The following FARP1 variants were observed in gnomAD, a reference collection of about 807,000 sequenced individuals.
FARP1 encodes the protein FERM, ARHGEF and pleckstrin domain-containing protein 1.
In FARP1, 52 loss-of-function variants were observed where a neutral mutation model predicts 128.8. That is an observed-to-expected ratio of 0.40 (90% confidence interval 0.32 to 0.51). The LOEUF is 0.51. Ranked by LOEUF, FARP1 falls within the 20% of genes least tolerant of loss-of-function variation. The pLI, the probability that FARP1 is intolerant of heterozygous loss-of-function variation, is 0.45. For synonymous variants in FARP1, 580 were observed against 551.8 expected (o/e 1.05, Z -0.72); for missense variants, 1,333 against 1,367.9 (o/e 0.97, Z 0.40).
intron 2 of FARP1, among the ~76,000 whole-genome samples, chr13:98,216,105 A>C (rs760503901): frequency 6.6e-6 from 1 of 152,082 alleles, no homozygotes; most frequent in Non-Finnish European, 1.5e-5. Context: ...TAATTTTTCT[A>C]GTTTGGTCAG....
chr13:98,402,717 A>C (rs2140095547), intron 13 of FARP1: 1 of 152,074 alleles, frequency 6.6e-6, no homozygotes, highest in Non-Finnish European at 1.5e-5. Context: ...CCTTACCCAT[A>C]CTCCTGTTTC....
intron 1 of FARP1, among the ~76,000 whole-genome samples, chr13:98,178,471 C>T (rs1878266383): frequency 1.3e-5 from 2 of 152,220 alleles, no homozygotes; most frequent in Non-Finnish European, 2.9e-5. Context: ...GTTGGTATTA[C>T]AGGCGTGAGC....
intron 2 of FARP1, among the ~76,000 whole-genome samples, chr13:98,271,395 A>G (rs1374277529): frequency 1.3e-5 from 2 of 152,094 alleles, no homozygotes; most frequent in Non-Finnish European, 2.9e-5. Flanking sequence ...GTATACATAT[A>G]TATATTTTTA....
intron 1 of FARP1, among the ~76,000 whole-genome samples, chr13:98,144,032 C>T (rs1018962690): frequency 1.3e-4 from 20 of 152,162 alleles, no homozygotes; most frequent in Non-Finnish European, 2.9e-4. Context: ...AGATTTGTGT[C>T]TCTCTTTACT....
chr13:98,440,771 A>T lies in FARP1; in HGVS notation c.2731A>T (p.Met911Leu). Residue 911 changes from methionine to leucine, a missense_variant, in exon 24 of 27, where the codon ATG becomes TTG. By Grantham distance (15) the Met-to-Leu change is conservative. Coordinates refer to ENST00000319562, the MANE Select transcript of FARP1 (RefSeq NM_005766.4). ...CCAGGCCCCGCACCGCGGCAACACA[A>T]TGGTGCACGTGTGCTGGCACCGCAA... ...ERQAPHRGNT[M>L]VHVCWHRNTS... The T allele has an allele frequency of 6.2e-7, 1 of 1,613,238 alleles. No homozygotes were observed. Among genetic ancestry groups the T allele is most frequent in the Non-Finnish European group, 8.5e-7 (1 of 1,179,898 alleles).
At position 98,213,364 on chromosome 13, in the gene FARP1, CCAT is replaced by C. The variant is rs1566748988; in HGVS notation, c.125_127del (p.Ile42del). 1 of 1,614,102 alleles carries C rather than the reference CCAT, an allele frequency of 6.2e-7. No homozygotes were observed. The highest frequency in any genetic ancestry group is 1.3e-5 in the African/African-American group (1 of 75,034). ...CCAACACCTTCAGGAAAACTCGTGT[CCAT>C]CAAAATCCAGATGCTGGATGACACC... On this transcript the variant is annotated inframe_deletion, in exon 2 of 27. Transcript: ENST00000319562.
chr13:98,282,940 C>A (rs1166413343), intron 2 of FARP1, among the ~76,000 whole-genome samples: 3 of 152,136 alleles, frequency 2.0e-5, no homozygotes, highest in Non-Finnish European at 2.9e-5. Flanking sequence ...CTGGAAAATT[C>A]TCTCCTGTCA....
intron 2 of FARP1, among the ~76,000 whole-genome samples, chr13:98,302,321 C>A (rs1205599295): frequency 3.9e-5 from 6 of 152,210 alleles, no homozygotes; most frequent in Non-Finnish European, 8.8e-5. Context: ...TCAAAAAATT[C>A]TTTTCTAGCT....
chr13:98,416,991 G>A (rs956279043), intron 16 of FARP1, among the ~76,000 whole-genome samples: 57 of 152,328 alleles, frequency 3.7e-4, no homozygotes, highest in African/African-American at 1.3e-3. Flanking sequence ...GACTGGCTGG[G>A]AGGACCAGAC....
chr13:98,176,207 G>A lies in FARP1; in HGVS notation c.-24+32715G>A, dbSNP rs1168060902. On this transcript the variant is annotated intron_variant, in intron 1 of 26. Transcript: ENST00000319562. This position sits in a 1 kb window ranked among gnomAD's most constrained non-coding sequence, Gnocchi z 6.2. ...AGAACAAAAAAATTTATTTAAATGT[G>A]AGAATTATGGGAAACCTAAGCCATG... is the stretch of plus-strand genomic sequence containing the variant. 1 of 1,609,202 alleles carries A rather than the reference G, an allele frequency of 6.2e-7. No homozygotes were observed.
intron 2 of FARP1, among the ~76,000 whole-genome samples, chr13:98,273,649 G>A (rs1325516976): frequency 1.3e-5 from 2 of 152,192 alleles, no homozygotes; most frequent in East Asian, 1.9e-4. Context: ...TGGCACAGTG[G>A]GCATTCAGTA....
chr13:98,281,353 C>A (rs1307970612), intron 2 of FARP1, among the ~76,000 whole-genome samples: 2 of 147,930 alleles, frequency 1.4e-5, no homozygotes, highest in Non-Finnish European at 3.0e-5. Flanking sequence ...GGCAACAGAG[C>A]AAGACTCTGT....
intron 2 of FARP1, among the ~76,000 whole-genome samples, chr13:98,269,239 T>C (rs1459074555): frequency 6.6e-6 from 1 of 152,224 alleles, no homozygotes; most frequent in Non-Finnish European, 1.5e-5. Flanking sequence ...GCAGTTCTAA[T>C]GGTGATCTTT....
chr13:98,237,668 A>G (rs1317661883), intron 2 of FARP1, among the ~76,000 whole-genome samples: 2 of 152,362 alleles, frequency 1.3e-5, no homozygotes, highest in South Asian at 4.1e-4. Context: ...TGGGACCCGT[A>G]TGAAGTGGCA....
At chr13:98,327,378 T>C (rs1252351192) in intron 2 of FARP1, among the ~76,000 whole-genome samples, 2 of 152,208 alleles carry the variant, frequency 1.3e-5, no homozygotes, top group Non-Finnish European at 2.9e-5. Context: ...AACAGCTAAC[T>C]TTTGCAGTGA....
chr13:98,174,407 A>G (rs1207074956), intron 1 of FARP1, among the ~76,000 whole-genome samples: 11 of 152,172 alleles, frequency 7.2e-5, no homozygotes, highest in African/African-American at 2.7e-4. Context: ...CTTGGGAGAA[A>G]AATCCTGGAG....
At chr13:98,421,675 TAGTG>T (rs1030910013) in intron 16 of FARP1, among the ~76,000 whole-genome samples, 2 of 152,000 alleles carry the variant, frequency 1.3e-5, no homozygotes, top group Admixed American at 6.6e-5. Flanking sequence ...TTTGACAAAA[TAGTG>T]AGACCCCATC....
At chr13:98,443,884 A>AGG (rs1359650150) in intron 24 of FARP1, among the ~76,000 whole-genome samples, 1 of 152,264 alleles carries the variant, frequency 6.6e-6, no homozygotes, top group African/African-American at 2.4e-5. Context: ...GACCGGAAGG[A>AGG]GGGAAGGGAC....
intron 21 of FARP1, among the ~76,000 whole-genome samples, chr13:98,439,509 C>G (rs1444948737): frequency 6.6e-6 from 1 of 152,182 alleles, no homozygotes; most frequent in East Asian, 1.9e-4. Context: ...GTGGCATGAA[C>G]TCGCCTCCCA....
Sources: allele counts gnomAD v4.1 joint callset (sites outside exome capture counted in the v4.1 genomes callset), GRCh38; gene constraint gnomAD v4.1.1; non-coding constraint Gnocchi (gnomAD v3.1); transcripts MANE v1.5; gene names NCBI Gene and HGNC (gene_info 2026-07-23, HGNC 2026-07-21).